The following DMGDH variants were observed in gnomAD, a reference collection of about 807,000 sequenced individuals.
The protein encoded by DMGDH is dimethylglycine dehydrogenase, mitochondrial.
A neutral mutation model predicts 95.2 loss-of-function variants in DMGDH; 76 were observed. The observed-to-expected ratio is 0.80, with a 90% CI of 0.66 to 0.97. The LOEUF (loss-of-function observed/expected upper bound fraction) is 0.97. Among genes scored for constraint, DMGDH ranks in the 50% least tolerant of loss-of-function variants. DMGDH has a pLI of 0.00. For synonymous variants in DMGDH, 345 were observed against 377.6 expected (o/e 0.91, Z 1.00); for missense variants, 987 against 1,055.0 (o/e 0.94, Z 0.89).
intron 5 of DMGDH, among the ~76,000 whole-genome samples, chr5:79,049,974 C>T (rs1451799264): frequency 6.6e-6 from 1 of 151,858 alleles, no homozygotes; most frequent in Non-Finnish European, 1.5e-5. Context: ...TAATATCAAT[C>T]GGCTGGACGC....
chr5:79,022,462 T>C (rs1190725830), intron 14 of DMGDH, among the ~76,000 whole-genome samples: 1 of 152,202 alleles, frequency 6.6e-6, no homozygotes, highest in Non-Finnish European at 1.5e-5. Flanking sequence ...AGTAGGTTAA[T>C]ACCAACTAGC....
At chr5:79,057,547 C>T (rs2112667732) in intron 2 of DMGDH, among the ~76,000 whole-genome samples, 1 of 151,950 alleles carries the variant, frequency 6.6e-6, no homozygotes, top group African/African-American at 2.4e-5. Context: ...AAAATCCTGG[C>T]CCAGCTTATA....
At chr5:79,032,628 G>A in intron 9 of DMGDH, 59 bp downstream of exon 9, 1 of 1,607,700 alleles carries the variant, frequency 6.2e-7, no homozygotes. Context: ...AGCGCTTTTT[G>A]CTGTCCCGTT....
intron 7 of DMGDH, among the ~76,000 whole-genome samples, chr5:79,038,517 A>G (rs1188169361): frequency 6.6e-6 from 1 of 152,166 alleles, no homozygotes; most frequent in Non-Finnish European, 1.5e-5. Flanking sequence ...GTAGTCGCAT[A>G]AGAATAGACA....
At chr5:79,069,161 T>C (rs4998017) in intron 1 of DMGDH, among the ~76,000 whole-genome samples, 65,108 of 151,684 alleles carry the variant, frequency 0.43, 15,561 homozygotes, top group East Asian at 0.64. Flanking sequence ...GGCAAGTCAG[T>C]GTGTGCTGAT....
At position 79,054,233 on chromosome 5, in the gene DMGDH, A is replaced by G. The variant is rs1443553825; in HGVS notation, c.491T>C (p.Ile164Thr). Reference protein sequence around the residue: ...TGWHATEQYLIEPEKIQEMFP... With the variant: ...TGWHATEQYLTEPEKIQEMFP... Reference sequence around the variant, plus strand: ...CATCTCTTGAATTTTTTCAGGTTCAATGAGATACTGTTCTGTTGCATGCCA... The same window carrying G: ...CATCTCTTGAATTTTTTCAGGTTCAGTGAGATACTGTTCTGTTGCATGCCA... The change falls in exon 4 of 16, where the codon ATT (isoleucine) becomes ACT (threonine). Residue 164 changes from isoleucine to threonine, a missense_variant. Ile to Thr is a moderately conservative substitution (Grantham distance 89, BLOSUM62 -1). Coordinates refer to ENST00000255189, the MANE Select transcript of DMGDH (RefSeq NM_013391.3). The G allele has an allele frequency of 1.9e-6, 3 of 1,614,158 alleles. No homozygotes were observed. Among genetic ancestry groups the G allele is most frequent in the Admixed American group, 1.7e-5 (1 of 60,018 alleles).
intron 1 of DMGDH, among the ~76,000 whole-genome samples, chr5:79,067,001 T>A (rs181817978): frequency 1.3e-5 from 2 of 152,362 alleles, no homozygotes; most frequent in African/African-American, 4.8e-5. Context: ...TAATTTTCTT[T>A]CACCCTTGTT....
intron 1 of DMGDH, among the ~76,000 whole-genome samples, chr5:79,064,756 T>A (rs1166089933): frequency 6.0e-5 from 9 of 150,236 alleles, no homozygotes; most frequent in Non-Finnish European, 1.3e-4. Context: ...CTTTTCAAAC[T>A]TTTTTTTTTC....
intron 2 of DMGDH, among the ~76,000 whole-genome samples, chr5:79,061,968 T>C (rs959999913): frequency 5.3e-5 from 8 of 152,140 alleles, no homozygotes; most frequent in Non-Finnish European, 1.0e-4. Context: ...TAAATCAGTA[T>C]ATAAGTGAGC....
At chr5:79,042,597 C>A in intron 6 of DMGDH, 116 bp from the exon 7 acceptor site, 1 of 956,034 alleles carries the variant, frequency 1.0e-6, no homozygotes, top group East Asian at 2.5e-5. Flanking sequence ...GAAAGTACTG[C>A]CATTTTTTGT....
At chr5:79,064,344 C>T (rs1404058162) in intron 1 of DMGDH, among the ~76,000 whole-genome samples, 4 of 151,498 alleles carry the variant, frequency 2.6e-5, no homozygotes, top group Admixed American at 2.6e-4. Flanking sequence ...CAGAGTGAGG[C>T]CCTGTCTCAA....
In DMGDH at chr5:78,997,785, T is replaced by A. The variant is rs1423449891; in HGVS notation, c.*297A>T. 2.7e-6 allele frequency: 1 copy of A among 370,974 alleles called. No individual in the cohort carries two copies. The highest frequency in any genetic ancestry group is 4.4e-5 in the Admixed American group (1 of 22,772). The allele number at this position is 370,974 out of a possible 1,614,324, so 23.0% of individuals were successfully genotyped here. On this transcript the variant is annotated 3_prime_UTR_variant, in exon 16 of 16. Transcript: ENST00000255189. Reference sequence around the variant, plus strand: ...AAAATGTCCCTTAATTAGGTTATAGTAATGATTGTGTATATTAGCAAACAC... The same window carrying A: ...AAAATGTCCCTTAATTAGGTTATAGAAATGATTGTGTATATTAGCAAACAC...
At position 79,044,413 on chromosome 5, in the gene DMGDH, T is replaced by C. The variant is rs1341862399; in HGVS notation, c.885A>G (p.Glu295=). The C allele has an allele frequency of 6.2e-7, 1 of 1,614,184 alleles. No homozygotes were observed. The highest frequency in any genetic ancestry group is 1.7e-5 in the Admixed American group (1 of 60,028). The change falls in exon 6 of 16, where the codon GAA becomes GAG. Residue 295 remains glutamate (E), a synonymous_variant. Transcript: ENST00000255189. The stretch of plus-strand genomic sequence containing the variant: ...TTTCCTGTCGGAGATAATATGATCC[T>C]TCCAGGTCACGGAGCACAGGCAGTT... ...KRELPVLRDL[E]GSYYLRQERD...
In DMGDH at chr5:79,002,104, A is replaced by G. The variant is rs151192607; in HGVS notation, c.2385+3169T>C. Among the ~76,000 whole-genome samples, 36 of 152,352 alleles carry G rather than the reference A, an allele frequency of 2.4e-4. No individual in the cohort carries two copies. In the East Asian group the frequency reaches 6.9e-3, roughly 29 times the overall value. On this transcript the variant is annotated intron_variant, in intron 15 of 15. Transcript: ENST00000255189. ...TAGCCTTTTCTCATTTCTCTCGCAA[A>G]TTATGAGAAGTCTCTATCTGACTTC...
At chr5:79,024,210 T>A (rs1753935972) in intron 14 of DMGDH, 61 bp downstream of exon 14, 1 of 1,488,920 alleles carries the variant, frequency 6.7e-7, no homozygotes, top group African/African-American at 1.4e-5. Context: ...AATGGCTCTG[T>A]CACAAAATAG....
chr5:79,058,547 CAT>C (rs1755099037), intron 2 of DMGDH, among the ~76,000 whole-genome samples: 1 of 152,016 alleles, frequency 6.6e-6, no homozygotes, highest in Admixed American at 6.6e-5. Flanking sequence ...GTCCTAGACA[CAT>C]AGTAACTATG....
intron 13 of DMGDH, among the ~76,000 whole-genome samples, chr5:79,025,331 C>T (rs1324378829): frequency 6.6e-6 from 1 of 152,124 alleles, no homozygotes; most frequent in Admixed American, 6.5e-5. Flanking sequence ...GTGGGGACCG[C>T]GCTGTCCTCC....
intron 15 of DMGDH, among the ~76,000 whole-genome samples, chr5:79,002,413 C>A (rs1003071371): frequency 1.3e-5 from 2 of 152,180 alleles, no homozygotes; most frequent in African/African-American, 4.8e-5. Flanking sequence ...AGGTTATAAT[C>A]CCTTTCTCCA....
chr5:79,002,632 C>CAA (rs934622267), intron 15 of DMGDH, among the ~76,000 whole-genome samples: 12 of 152,056 alleles, frequency 7.9e-5, no homozygotes, highest in African/African-American at 2.9e-4. Context: ...CACACACACA[C>CAA]AAAAAAGTCA....
Sources: allele counts gnomAD v4.1 joint callset (sites outside exome capture counted in the v4.1 genomes callset), GRCh38; gene constraint gnomAD v4.1.1; transcripts MANE v1.5; gene names NCBI Gene and HGNC (gene_info 2026-07-23, HGNC 2026-07-21).